Variants in DMTF1 observed in about 807,000 individuals in gnomAD.
The protein encoded by DMTF1 is cyclin D binding myb like transcription factor 1.
In DMTF1, 39 loss-of-function variants were observed where a neutral mutation model predicts 91.1. That is an observed-to-expected ratio of 0.43 (90% confidence interval 0.33 to 0.56). The LOEUF (loss-of-function observed/expected upper bound fraction) is 0.56, where lower values mean the gene tolerates loss of function less well. Ranked by LOEUF, DMTF1 falls within the 20% of genes least tolerant of loss-of-function variation. The pLI is 0.05. For missense variants in DMTF1, 750 were observed against 914.5 expected, an observed-to-expected ratio of 0.82 and a Z score of 2.32; for synonymous variants, 338 against 309.5, an observed-to-expected ratio of 1.09 and a Z score of -0.97.
chr7:87,193,905 A>T lies in DMTF1; in HGVS notation c.1831A>T (p.Thr611Ser), dbSNP rs141391625. 3.1e-6 allele frequency: 5 copies of T among 1,613,198 alleles called. No homozygotes were observed. The highest frequency in any genetic ancestry group is 4.2e-6 in the Non-Finnish European group (5 of 1,179,596). The change falls in exon 16 of 18, where the codon ACT becomes TCT. Residue 611 changes from threonine to serine, a missense_variant. Coordinates refer to ENST00000331242, the MANE Select transcript of DMTF1 (RefSeq NM_001142327.2). ...PEPPDALEADTFPDEIHHPKM... is the reference protein window; with the variant it reads ...PEPPDALEADSFPDEIHHPKM... The stretch of plus-strand genomic sequence containing the variant: ...GCCTCCAGACGCCCTAGAAGCAGAC[A>T]CTTTCCCAGATGAAATTCATCACCC...
chr7:87,178,234 T>C (rs1350109485), intron 7 of DMTF1, among the ~76,000 whole-genome samples: 1 of 152,112 alleles, frequency 6.6e-6, no homozygotes, highest in African/African-American at 2.4e-5. Flanking sequence ...GTGGGAGCTT[T>C]TTAAAATGTT....
intron 13 of DMTF1, among the ~76,000 whole-genome samples, chr7:87,188,532 TTAA>T (rs1488707719): frequency 6.6e-6 from 1 of 152,220 alleles, no homozygotes; most frequent in South Asian, 2.1e-4. Flanking sequence ...TGAAACCATC[TTAA>T]TTTCTAGATT....
At chr7:87,159,736 A>C (rs1163819018) in intron 1 of DMTF1, among the ~76,000 whole-genome samples, 1 of 152,252 alleles carries the variant, frequency 6.6e-6, no homozygotes, top group Non-Finnish European at 1.5e-5. Context: ...TGAGAAATGC[A>C]GTTTGGGTGA....
At chr7:87,178,018 A>G (rs1459834219) in intron 7 of DMTF1, among the ~76,000 whole-genome samples, 1 of 152,084 alleles carries the variant, frequency 6.6e-6, no homozygotes, top group Non-Finnish European at 1.5e-5. Flanking sequence ...AGAGTGAAAC[A>G]CTCAAATGGA....
intron 1 of DMTF1, among the ~76,000 whole-genome samples, chr7:87,159,060 A>T (rs546649808): frequency 1.3e-5 from 2 of 152,272 alleles, no homozygotes; most frequent in African/African-American, 4.8e-5. Context: ...AAATTTACAG[A>T]TGGTGGTTGA....
chr7:87,184,802 G>A, intron 11 of DMTF1, 177 bp downstream of exon 11: 2 of 716,104 alleles, frequency 2.8e-6, no homozygotes, highest in Non-Finnish European at 5.0e-6. Flanking sequence ...TGTTGTGTTT[G>A]TTCCTTTTTT....
At chr7:87,192,309 AT>A (rs1285123142) in intron 14 of DMTF1, among the ~76,000 whole-genome samples, 1 of 152,134 alleles carries the variant, frequency 6.6e-6, no homozygotes, top group African/African-American at 2.4e-5. Context: ...AAAGCCTCAC[AT>A]TTGTGATTAA....
intron 14 of DMTF1, among the ~76,000 whole-genome samples, chr7:87,192,193 A>G (rs527493853): frequency 8.7e-4 from 132 of 152,270 alleles, no homozygotes; most frequent in African/African-American, 2.8e-3. Flanking sequence ...ATTTATTAAC[A>G]GGATAATAAT....
chr7:87,186,231 A>G (rs1798394260), intron 12 of DMTF1: 2 of 433,432 alleles, frequency 4.6e-6, no homozygotes, highest in East Asian at 3.9e-5. Flanking sequence ...ATCAGGAGGA[A>G]ATAAAATCAT....
intron 8 of DMTF1, 82 bp downstream of exon 8, chr7:87,179,784 A>G: frequency 7.8e-7 from 1 of 1,283,706 alleles, no homozygotes; most frequent in Non-Finnish European, 1.1e-6. Context: ...AAACAATAGA[A>G]ATATGGTCAA....
chr7:87,174,728 T>G, intron 7 of DMTF1, 59 bp downstream of exon 7: 1 of 1,211,428 alleles, frequency 8.3e-7, no homozygotes, highest in South Asian at 1.3e-5. Context: ...TGCAAAAATA[T>G]CAACACAGAA....
At chr7:87,158,745 CTG>C (rs1313757246) in intron 1 of DMTF1, among the ~76,000 whole-genome samples, 4 of 152,046 alleles carry the variant, frequency 2.6e-5, no homozygotes, top group African/African-American at 4.8e-5. Flanking sequence ...GTACATTTCA[CTG>C]TATTTCATTT....
chr7:87,188,426 CTAAGA>C lies in DMTF1; in HGVS notation c.1411+128_1411+132del, dbSNP rs1432564678. 18 of 959,728 alleles carry C rather than the reference CTAAGA, an allele frequency of 1.9e-5. No individual in the cohort carries two copies. In the African/African-American group the frequency reaches 2.9e-4, roughly 16 times the overall value. 59.5% of individuals were successfully genotyped at this position (959,728 alleles called of 1,614,324 possible). On this transcript the variant is annotated intron_variant, in intron 13 of 17. Transcript: ENST00000331242. Reference sequence around the variant, plus strand: ...CCCAAGTCGGTGAACTGAAGGACATCTAAGATATTTTGTTTAGTTCAGTTAATATT... The same window carrying C: ...CCCAAGTCGGTGAACTGAAGGACATCTATTTTGTTTAGTTCAGTTAATATT...
chr7:87,181,829 A>T (rs1797436598), intron 9 of DMTF1, among the ~76,000 whole-genome samples: 1 of 152,194 alleles, frequency 6.6e-6, no homozygotes, highest in African/African-American at 2.4e-5. Context: ...TCATGAAAAA[A>T]TTTGAAGGTA....
rs188667458 is a variant in DMTF1, at chr7:87,170,906, A to G, written c.233-89A>G. 17 of 816,794 alleles carry G rather than the reference A, an allele frequency of 2.1e-5. No individual in the cohort carries two copies. The African/African-American group carries it at 2.6e-4, about 12-fold the overall frequency. The allele number at this position is 816,794 out of a possible 1,614,324, so 50.6% of individuals were successfully genotyped here. A position where few individuals can be genotyped will look rare whatever the true frequency, so the allele number is the denominator to read the frequency against. ...AACAAGGAGTGTGTTAGGAAATTAGATGATCATGTTTTTTTTCCCATGGAT... is the reference window on the plus strand; with the variant it reads ...AACAAGGAGTGTGTTAGGAAATTAGGTGATCATGTTTTTTTTCCCATGGAT... On this transcript the variant is annotated intron_variant, in intron 4 of 17. Coordinates refer to ENST00000331242, the MANE Select transcript of DMTF1 (RefSeq NM_001142327.2).
intron 10 of DMTF1, among the ~76,000 whole-genome samples, chr7:87,183,769 A>G (rs1421141455): frequency 2.0e-5 from 3 of 152,180 alleles, no homozygotes. Context: ...ACAGAGAGGA[A>G]CATTTGGGGT....
intron 8 of DMTF1, among the ~76,000 whole-genome samples, chr7:87,180,931 C>CT (rs991461799): frequency 6.8e-6 from 1 of 147,848 alleles, no homozygotes; most frequent in African/African-American, 2.5e-5. Flanking sequence ...TCTTGGCTCA[C>CT]TGCAACCTCT....
chr7:87,183,909 G>A (rs1011121092), intron 10 of DMTF1, among the ~76,000 whole-genome samples: 1 of 152,164 alleles, frequency 6.6e-6, no homozygotes, highest in Non-Finnish European at 1.5e-5. Context: ...TAGAAACCTA[G>A]TTTTTACTAA....
chr7:87,182,334 A>G lies in DMTF1; in HGVS notation c.817A>G (p.Thr273Ala). ...CCGACTGATGAAGGATACTTGCAAC[A>G]CAGGTACTGTGACTACTACTGGTAG... ...RCRLMKDTCNTGKWTEEEEKR... is the reference protein window; with the variant it reads ...RCRLMKDTCNAGKWTEEEEKR... Residue 273 changes from threonine (T) to alanine (A), a missense_variant, in exon 10 of 18, where the codon ACA (threonine) becomes GCA (alanine). Physicochemically the swap from Thr to Ala is moderately conservative, Grantham distance 58. This residue lies in a region of DMTF1 where 190 missense variants were observed against 343.8 expected (regional missense o/e 0.55). Transcript: ENST00000331242. 6.2e-7 allele frequency: 1 copy of G among 1,614,012 alleles called. No individual in the cohort carries two copies. Among genetic ancestry groups the G allele is most frequent in the Non-Finnish European group, 8.5e-7 (1 of 1,179,932 alleles).
Sources: allele counts gnomAD v4.1 joint callset (sites outside exome capture counted in the v4.1 genomes callset), GRCh38; gene constraint gnomAD v4.1.1; regional missense constraint gnomAD v4.1.1; transcripts MANE v1.5; gene names NCBI Gene and HGNC (gene_info 2026-07-23, HGNC 2026-07-21).